The following N4BP2 variants were observed in gnomAD, a reference collection of about 807,000 sequenced individuals.
N4BP2 encodes the protein NEDD4 binding protein 2, also known as NEDD4-binding protein 2.
A neutral mutation model predicts 152.8 loss-of-function variants in N4BP2; 91 were observed. That is an observed-to-expected ratio of 0.60 (90% confidence interval 0.50 to 0.71). N4BP2 has a LOEUF of 0.71. N4BP2 is among the 30% of genes least tolerant of loss of function. The pLI is 0.00. For synonymous variants in N4BP2, 646 were observed against 705.3 expected, an observed-to-expected ratio of 0.92 and a Z score of 1.33; for missense variants, 1,923 against 2,059.1, an observed-to-expected ratio of 0.93 and a Z score of 1.28.
intron 16 of N4BP2, among the ~76,000 whole-genome samples, chr4:40,147,449 T>C (rs1267280034): frequency 1.3e-5 from 2 of 149,832 alleles, no homozygotes; most frequent in East Asian, 4.0e-4. Flanking sequence ...GACGGGGTGG[T>C]GGCCGGGCAG....
intron 16 of N4BP2, among the ~76,000 whole-genome samples, chr4:40,145,140 G>A (rs1237083587): frequency 6.6e-6 from 1 of 151,860 alleles, no homozygotes; most frequent in Non-Finnish European, 1.5e-5. Context: ...GATATTTCTT[G>A]GATTTCAATT....
At chr4:40,079,308 G>A (rs985745234) in intron 2 of N4BP2, among the ~76,000 whole-genome samples, 4 of 151,750 alleles carry the variant, frequency 2.6e-5, no homozygotes, top group Admixed American at 6.6e-5. Context: ...TTAGAGATAG[G>A]CTCTTGCTGT....
At chr4:40,146,604 A>G (rs1244540963) in intron 16 of N4BP2, among the ~76,000 whole-genome samples, 4 of 152,238 alleles carry the variant, frequency 2.6e-5, no homozygotes, top group Non-Finnish European at 4.4e-5. Context: ...TACACATTGT[A>G]AAGTGATTAC....
intron 1 of N4BP2, chr4:40,057,298 G>T (rs1301728273): frequency 6.6e-6 from 1 of 152,504 alleles, no homozygotes; most frequent in African/African-American, 2.4e-5. Flanking sequence ...CGGGGGCCGC[G>T]GCCGCTTCCT....
the N4BP2 span, among the ~76,000 whole-genome samples, chr4:40,163,293 C>T: frequency 6.6e-6 from 1 of 152,174 alleles, no homozygotes; most frequent in Non-Finnish European, 1.5e-5. Flanking sequence ...TATTATTGCC[C>T]ACATGGCCGA....
At chr4:40,094,063 A>G (rs922902933) in intron 2 of N4BP2, among the ~76,000 whole-genome samples, 1 of 152,156 alleles carries the variant, frequency 6.6e-6, no homozygotes, top group Non-Finnish European at 1.5e-5. Context: ...TTGATATGGT[A>G]TATTTTCATT....
intron 2 of N4BP2, among the ~76,000 whole-genome samples, chr4:40,084,547 C>T (rs889031717): frequency 8.7e-5 from 13 of 149,808 alleles, no homozygotes; most frequent in South Asian, 2.1e-4. Flanking sequence ...GCAATCCTCC[C>T]GGCTCAGCCT....
intron 16 of N4BP2, among the ~76,000 whole-genome samples, chr4:40,147,391 C>T (rs940618810): frequency 6.6e-6 from 1 of 152,338 alleles, no homozygotes; most frequent in Admixed American, 6.5e-5. Context: ...ACAAAACCGC[C>T]ATTGTCATCA....
rs528390299 is a variant in N4BP2 at position 40,148,234 on chromosome 4, C to T, written c.5143+3434C>T. Among the ~76,000 whole-genome samples the T allele has an allele frequency of 6.6e-5, 10 of 152,324 alleles. No individual in the cohort carries two copies. The East Asian group carries it at 1.4e-3, about 21-fold the overall frequency. On this transcript the variant is annotated intron_variant, in intron 16 of 17. Transcript: ENST00000261435. Reference sequence around the variant, plus strand: ...GAGGCCGAGGCTGGCAGATCACTCGCGGTTAGGAGCTGGAGAGCAGCCTGG... The same window carrying T: ...GAGGCCGAGGCTGGCAGATCACTCGTGGTTAGGAGCTGGAGAGCAGCCTGG...
chr4:40,185,356 A>G, the N4BP2 span, among the ~76,000 whole-genome samples: 1 of 152,238 alleles, frequency 6.6e-6, no homozygotes, highest in African/African-American at 2.4e-5. Context: ...ATGATAATAT[A>G]AAAGGCTATT....
intron 7 of N4BP2, 122 bp downstream of exon 7, chr4:40,113,630 T>C: frequency 2.8e-6 from 2 of 720,576 alleles, no homozygotes; most frequent in Non-Finnish European, 4.9e-6. Flanking sequence ...TTTCTATTGC[T>C]TACGGCTTTT....
intron 2 of N4BP2, among the ~76,000 whole-genome samples, chr4:40,093,592 T>C (rs1457357822): frequency 9.7e-6 from 1 of 102,960 alleles, no homozygotes; most frequent in Non-Finnish European, 2.5e-5. Flanking sequence ...TTTGTATTAT[T>C]TATTTATTTA....
chr4:40,072,536 G>A (rs1291140846), intron 1 of N4BP2, among the ~76,000 whole-genome samples: 7 of 150,998 alleles, frequency 4.6e-5, no homozygotes, highest in Admixed American at 1.3e-4. Context: ...GAGCCACCGC[G>A]CTCGGCCCAC....
intron 1 of N4BP2, among the ~76,000 whole-genome samples, chr4:40,063,517 G>T (rs2109885971): frequency 6.6e-6 from 1 of 152,274 alleles, no homozygotes; most frequent in South Asian, 2.1e-4. Context: ...CATGGCCAGG[G>T]ATCTGTTAGC....
chr4:40,097,083 A>C, intron 2 of N4BP2, 144 bp from the exon 3 acceptor site: 1 of 380,004 alleles, frequency 2.6e-6, no homozygotes, highest in Non-Finnish European at 4.8e-6. Flanking sequence ...AAACCTGCAT[A>C]TTTTGAAGAG....
chr4:40,177,773 G>C, the N4BP2 span, among the ~76,000 whole-genome samples: 1 of 152,118 alleles, frequency 6.6e-6, no homozygotes, highest in African/African-American at 2.4e-5. Context: ...TCTCTTTACG[G>C]CTGCTCCCAG....
At chr4:40,139,552 C>T (rs919736107) in intron 14 of N4BP2, among the ~76,000 whole-genome samples, 5 of 140,562 alleles carry the variant, frequency 3.6e-5, no homozygotes, top group Non-Finnish European at 6.0e-5. Flanking sequence ...AGTGCAGTGG[C>T]GCGATCTCGG....
At chr4:40,174,712 G>A in the N4BP2 span, among the ~76,000 whole-genome samples, 2 of 152,134 alleles carry the variant, frequency 1.3e-5, no homozygotes. Flanking sequence ...TGGGGCAAGA[G>A]AATCGCTTGA....
chr4:40,147,642 C>T (rs1399256859), intron 16 of N4BP2, among the ~76,000 whole-genome samples: 1 of 150,650 alleles, frequency 6.6e-6, no homozygotes, highest in Non-Finnish European at 1.5e-5. Flanking sequence ...GGCTGACCCC[C>T]CACCTCCCTC....
Sources: allele counts gnomAD v4.1 joint callset (sites outside exome capture counted in the v4.1 genomes callset), GRCh38; gene constraint gnomAD v4.1.1; transcripts MANE v1.5; gene names NCBI Gene and HGNC (gene_info 2026-07-23, HGNC 2026-07-21).